The following UBE2H variants were observed in gnomAD, a reference collection of about 807,000 sequenced individuals.
The protein encoded by UBE2H is ubiquitin-conjugating enzyme E2 H.
UBE2H carries 3 observed loss-of-function variants against 29.0 expected under a neutral mutation model. The observed-to-expected ratio is 0.10, with a 90% CI of 0.05 to 0.27. The LOEUF is 0.27. Ranked by LOEUF, UBE2H falls within the 10% of genes least tolerant of loss-of-function variation. UBE2H has a pLI of 1.00. For missense variants in UBE2H, 68 were observed against 228.2 expected (o/e 0.30, Z 4.52); for synonymous variants, 69 against 82.9 (o/e 0.83, Z 0.91).
Position 129,872,142 on chromosome 7 carries a change from A to G in UBE2H, c.205+7426T>C, listed in dbSNP as rs571969178. Among the ~76,000 whole-genome samples, 6 of 152,300 alleles carry G rather than the reference A, an allele frequency of 3.9e-5. No individual in the cohort carries two copies. The East Asian group carries it at 1.2e-3, about 29-fold the overall frequency. ...CGTGCTGGTATTACGGGCATGAGTC[A>G]TCGTGCCCAGTCACAGAATTCATTT... is the stretch of plus-strand genomic sequence containing the variant. On this transcript the variant is annotated intron_variant, in intron 3 of 6. Transcript: ENST00000355621.
intron 1 of UBE2H, among the ~76,000 whole-genome samples, chr7:129,928,331 G>A (rs151209074): frequency 1.5e-4 from 23 of 151,386 alleles, no homozygotes; most frequent in African/African-American, 2.2e-4. Flanking sequence ...GGCCAGGCAC[G>A]GTGGCTCATG....
At chr7:129,932,773 CAAAAAAAAAAA>C (rs1208871059) in intron 1 of UBE2H, among the ~76,000 whole-genome samples, 3 of 33,210 alleles carry the variant, frequency 9.0e-5, no homozygotes, top group African/African-American at 2.5e-4. Context: ...GACTCCGTCT[CAAAAAAAAAAA>C]AAAAAAAAAA....
At chr7:129,839,717 G>T (rs762143646) in intron 5 of UBE2H, 43 of 223,620 alleles carry the variant, frequency 1.9e-4, no homozygotes, top group Non-Finnish European at 2.7e-4. Context: ...TTTTTTGTTT[G>T]TTTTTTTTTT....
At chr7:129,944,890 G>C (rs1807731777) in intron 1 of UBE2H, among the ~76,000 whole-genome samples, 1 of 151,460 alleles carries the variant, frequency 6.6e-6, no homozygotes, top group East Asian at 1.9e-4. Flanking sequence ...ATGCCACCAA[G>C]CATTAAGAGG....
intron 3 of UBE2H, among the ~76,000 whole-genome samples, chr7:129,866,988 T>C (rs994371348): frequency 2.6e-5 from 4 of 152,238 alleles, no homozygotes; most frequent in African/African-American, 9.6e-5. Context: ...AATGAACAAG[T>C]AATTTCATCT....
At chr7:129,891,808 A>C (rs1806493798) in intron 1 of UBE2H, among the ~76,000 whole-genome samples, 1 of 45,916 alleles carries the variant, frequency 2.2e-5, no homozygotes, top group Admixed American at 3.3e-4. Context: ...CAAAAACAAA[A>C]ACAAAAAAAA....
At chr7:129,881,500 T>G (rs1301325747) in intron 1 of UBE2H, among the ~76,000 whole-genome samples, 1 of 151,906 alleles carries the variant, frequency 6.6e-6, no homozygotes, top group Non-Finnish European at 1.5e-5. Context: ...ATACAAAAAT[T>G]ACCCAGGCAT....
At chr7:129,952,446 T>C (rs1807898046) in intron 1 of UBE2H, 57 bp downstream of exon 1, 25 of 1,592,326 alleles carry the variant, frequency 1.6e-5, no homozygotes, top group Non-Finnish European at 2.1e-5. Flanking sequence ...GGGGGTGCCC[T>C]GGGCATCCCC....
chr7:129,924,934 A>G (rs1438861180), intron 1 of UBE2H, among the ~76,000 whole-genome samples: 1 of 152,124 alleles, frequency 6.6e-6, no homozygotes, highest in East Asian at 1.9e-4. Flanking sequence ...GGTTGAGGGT[A>G]CAAGCTAAAC....
intron 1 of UBE2H, among the ~76,000 whole-genome samples, chr7:129,908,383 A>T (rs886656257): frequency 2.0e-5 from 3 of 152,190 alleles, no homozygotes; most frequent in Non-Finnish European, 1.5e-5. Flanking sequence ...TCATTCCATT[A>T]TACTAAAGGC....
At chr7:129,910,537 G>A (rs553008954) in intron 1 of UBE2H, among the ~76,000 whole-genome samples, 7 of 152,204 alleles carry the variant, frequency 4.6e-5, no homozygotes, top group African/African-American at 1.4e-4. Flanking sequence ...CCAAGGTTAG[G>A]CTTTAAACCA....
intron 1 of UBE2H, among the ~76,000 whole-genome samples, chr7:129,937,820 T>C (rs1360436590): frequency 6.6e-6 from 1 of 152,208 alleles, no homozygotes; most frequent in Non-Finnish European, 1.5e-5. Flanking sequence ...TTTTTCTTTA[T>C]TCATTATCAA....
chr7:129,897,665 C>G lies in UBE2H; in HGVS notation c.54-16694G>C, dbSNP rs187650041. Reference sequence around the variant, plus strand: ...AAATGCAATCTACATGCAGAGAACTCTGCGTTCCAAAACAAATGAATATGG... The same window carrying G: ...AAATGCAATCTACATGCAGAGAACTGTGCGTTCCAAAACAAATGAATATGG... On this transcript the variant is annotated intron_variant, in intron 1 of 6. Transcript: ENST00000355621. 6.4e-4 allele frequency among the ~76,000 whole-genome samples: 98 copies of G among 152,296 alleles called. 1 individual carries two copies. The highest frequency in any genetic ancestry group is 3.7e-3 in the Admixed American group (56 of 15,294).
At chr7:129,901,293 C>A (rs1465864449) in intron 1 of UBE2H, among the ~76,000 whole-genome samples, 4 of 152,060 alleles carry the variant, frequency 2.6e-5, no homozygotes, top group African/African-American at 9.7e-5. Flanking sequence ...CAGTCTAGTT[C>A]AAGTCTGTTC....
chr7:129,867,632 T>C (rs1436514185), intron 3 of UBE2H, among the ~76,000 whole-genome samples: 1 of 97,912 alleles, frequency 1.0e-5, no homozygotes, highest in Admixed American at 1.3e-4. Context: ...CGCACCAGCA[T>C]GGCACATGTA....
intron 5 of UBE2H, among the ~76,000 whole-genome samples, chr7:129,840,212 A>C (rs1053962026): frequency 1.3e-5 from 2 of 151,852 alleles, no homozygotes; most frequent in African/African-American, 4.8e-5. Flanking sequence ...TTGAGAGAGG[A>C]TCTCACTCTG....
At chr7:129,897,110 C>T (rs1806615484) in intron 1 of UBE2H, among the ~76,000 whole-genome samples, 1 of 152,020 alleles carries the variant, frequency 6.6e-6, no homozygotes, top group African/African-American at 2.4e-5. Context: ...CTCGAAGACC[C>T]AGGTCCACAA....
intron 2 of UBE2H, among the ~76,000 whole-genome samples, chr7:129,879,854 T>A (rs1276585087): frequency 6.6e-6 from 1 of 152,244 alleles, no homozygotes; most frequent in Non-Finnish European, 1.5e-5. Context: ...AGCAGATTCA[T>A]TCTGCAATTT....
At chr7:129,849,645 C>G (rs1805573711) in intron 5 of UBE2H, among the ~76,000 whole-genome samples, 1 of 152,172 alleles carries the variant, frequency 6.6e-6, no homozygotes, top group South Asian at 2.1e-4. Flanking sequence ...AAGCCCATTT[C>G]TCCACCTGTT....
Sources: gnomAD v4.1 joint callset for allele counts (sites outside exome capture counted in the v4.1 genomes callset) on GRCh38, gnomAD v4.1.1 for gene constraint, MANE v1.5 for transcripts, NCBI Gene and HGNC (gene_info 2026-07-23, HGNC 2026-07-21) for gene names.